Variants in WWTR1 observed in about 807,000 individuals in gnomAD.
WWTR1 encodes WW domain containing transcription regulator 1, also known as WW domain-containing transcription regulator protein 1.
In WWTR1, 13 loss-of-function variants were observed where a neutral mutation model predicts 40.1. The ratio of observed to expected loss-of-function variants is 0.32; its 90% CI spans 0.21 to 0.52. The LOEUF is 0.52. Among genes scored for constraint, WWTR1 ranks in the 20% least tolerant of loss-of-function variants. WWTR1 has a pLI of 0.97. For missense variants in WWTR1, 436 were observed against 523.1 expected, an observed-to-expected ratio of 0.83 and a Z score of 1.63; for synonymous variants, 230 against 210.1, an observed-to-expected ratio of 1.09 and a Z score of -0.82.
chr3:149,579,804 T>C (rs573387089), intron 2 of WWTR1, among the ~76,000 whole-genome samples: 85 of 152,342 alleles, frequency 5.6e-4, no homozygotes, highest in African/African-American at 1.9e-3. Flanking sequence ...CAAATGTACA[T>C]ACTGAAGACA....
chr3:149,649,197 G>A (rs1051328599), intron 2 of WWTR1: 7 of 152,086 alleles, frequency 4.6e-5, no homozygotes, highest in African/African-American at 1.7e-4. Context: ...TCTCCATGTT[G>A]GTCAGGCTGG....
chr3:149,548,212 T>C (rs923308439), intron 3 of WWTR1, among the ~76,000 whole-genome samples: 3 of 152,158 alleles, frequency 2.0e-5, no homozygotes, highest in African/African-American at 7.2e-5. Context: ...ATTTGCTATA[T>C]AAGAAGCAAA....
chr3:149,575,009 G>A (rs1431709781), intron 2 of WWTR1, among the ~76,000 whole-genome samples: 9 of 152,072 alleles, frequency 5.9e-5, no homozygotes, highest in Non-Finnish European at 1.2e-4. Context: ...CAGGAGAATC[G>A]CTTGAACCCG....
intron 5 of WWTR1, among the ~76,000 whole-genome samples, chr3:149,712,041 G>C (rs2108231586): frequency 6.6e-6 from 1 of 152,306 alleles, no homozygotes. Context: ...ATGTAGTAAG[G>C]ACTCAGTTTG....
chr3:149,662,257 G>C (rs1713619920), upstream of WWTR1, among the ~76,000 whole-genome samples: 2 of 152,098 alleles, frequency 1.3e-5, no homozygotes, highest in Non-Finnish European at 2.9e-5. Flanking sequence ...TGCATCCTGT[G>C]TGAGCCAGGA....
chr3:149,641,829 T>A (rs1197104065), intron 2 of WWTR1, among the ~76,000 whole-genome samples: 1 of 152,244 alleles, frequency 6.6e-6, no homozygotes, highest in African/African-American at 2.4e-5. Flanking sequence ...CTGTGTACCA[T>A]ACGGATTACA....
chr3:149,641,358 G>A (rs1375160567), intron 2 of WWTR1, among the ~76,000 whole-genome samples: 3 of 152,200 alleles, frequency 2.0e-5, no homozygotes, highest in Non-Finnish European at 2.9e-5. Context: ...AGGGCCTTTC[G>A]AGAACTCTTA....
chr3:149,667,810 A>T (rs1023494669), intron 2 of WWTR1, among the ~76,000 whole-genome samples: 24 of 152,322 alleles, frequency 1.6e-4, no homozygotes, highest in African/African-American at 5.5e-4. Context: ...TTTAGACAAG[A>T]GAAATTTCAC....
chr3:149,572,774 G>A (rs901638965), intron 3 of WWTR1, 90 bp downstream of exon 3: 9 of 1,473,092 alleles, frequency 6.1e-6, no homozygotes, highest in South Asian at 1.3e-5. Context: ...TTGAGCCCAC[G>A]AGTTCAACAC....
intron 2 of WWTR1, among the ~76,000 whole-genome samples, chr3:149,588,471 T>C (rs1738533513): frequency 6.6e-6 from 1 of 152,240 alleles, no homozygotes; most frequent in Non-Finnish European, 1.5e-5. Flanking sequence ...GCGGTTTTGT[T>C]TCTATCTTTA....
At chr3:149,613,545 T>C (rs1739828581) in intron 2 of WWTR1, among the ~76,000 whole-genome samples, 1 of 152,176 alleles carries the variant, frequency 6.6e-6, no homozygotes, top group Admixed American at 6.5e-5. Flanking sequence ...ATTCTTTTGT[T>C]ACTTTTTTAT....
rs1000752686 is a variant in WWTR1 at position 149,543,238 on chromosome 3, A to T, written c.569-701T>A. Among the ~76,000 whole-genome samples, 22 of 152,228 alleles carry T rather than the reference A, an allele frequency of 1.4e-4. 1 individual carries two copies. The highest frequency in any genetic ancestry group is 4.4e-5 in the Non-Finnish European group (3 of 68,036). ...ATGAGAAATATTTTCAATTTTTTTAAAATGCTCTATTTATCTGCATTTAAC... is the reference window on the plus strand; with the variant it reads ...ATGAGAAATATTTTCAATTTTTTTATAATGCTCTATTTATCTGCATTTAAC... On this transcript the variant is annotated intron_variant, in intron 3 of 6. Coordinates refer to ENST00000360632, the MANE Select transcript of WWTR1 (RefSeq NM_015472.6).
intron 4 of WWTR1, among the ~76,000 whole-genome samples, chr3:149,720,668 G>C (rs997036374): frequency 6.6e-5 from 10 of 151,202 alleles, no homozygotes; most frequent in African/African-American, 2.4e-4. Flanking sequence ...AAACCTACTT[G>C]TTTGATAGGA....
chr3:149,666,595 A>G (rs1713829885), intron 2 of WWTR1, among the ~76,000 whole-genome samples: 1 of 152,212 alleles, frequency 6.6e-6, no homozygotes. Flanking sequence ...ATAATATTTT[A>G]CAGACTACAA....
chr3:149,638,141 A>G (rs1375015463), intron 2 of WWTR1, among the ~76,000 whole-genome samples: 5 of 152,120 alleles, frequency 3.3e-5, no homozygotes, highest in Admixed American at 1.3e-4. Flanking sequence ...ACTTGAACCC[A>G]GGAGGCAGAG....
At chr3:149,557,156 C>T (rs1488733752) in intron 3 of WWTR1, among the ~76,000 whole-genome samples, 3 of 147,138 alleles carry the variant, frequency 2.0e-5, no homozygotes, top group Non-Finnish European at 3.0e-5. Context: ...CTGCAACCTC[C>T]GCCTCCCTGA....
At chr3:149,654,057 T>C (rs1713058089) in intron 2 of WWTR1, among the ~76,000 whole-genome samples, 1 of 151,708 alleles carries the variant, frequency 6.6e-6, no homozygotes, top group African/African-American at 2.4e-5. Flanking sequence ...ATCACTTGAG[T>C]ACAGGAGTTT....
intron 5 of WWTR1, among the ~76,000 whole-genome samples, chr3:149,710,492 A>G (rs1427892859): frequency 1.3e-5 from 2 of 151,158 alleles, no homozygotes. Context: ...GTTTAATTAT[A>G]CTACTTATAG....
intron 2 of WWTR1, among the ~76,000 whole-genome samples, chr3:149,593,540 G>A (rs954309464): frequency 4.6e-5 from 7 of 152,000 alleles, no homozygotes; most frequent in Non-Finnish European, 7.4e-5. Context: ...ATTCCACTTC[G>A]ACACTGCTCA....
Sources: allele counts gnomAD v4.1 joint callset (sites outside exome capture counted in the v4.1 genomes callset), GRCh38; gene constraint gnomAD v4.1.1; transcripts MANE v1.5; gene names NCBI Gene and HGNC (gene_info 2026-07-23, HGNC 2026-07-21).